Variants in SMARCAD1 observed in about 807,000 individuals in gnomAD.
SMARCAD1 encodes the protein SWI/SNF-related matrix-associated actin-dependent regulator of chromatin subfamily A containing DEAD/H box 1.
A neutral mutation model predicts 127.1 loss-of-function variants in SMARCAD1; 25 were observed. The observed-to-expected ratio is 0.20, with a 90% CI of 0.14 to 0.27. The LOEUF is 0.27. Ranked by LOEUF, SMARCAD1 falls within the 10% of genes least tolerant of loss-of-function variation. The pLI, the probability that SMARCAD1 is intolerant of heterozygous loss-of-function variation, is 1.00. For missense variants in SMARCAD1, 807 were observed against 1,206.0 expected, an observed-to-expected ratio of 0.67 and a Z score of 4.90; for synonymous variants, 400 against 396.9, an observed-to-expected ratio of 1.01 and a Z score of -0.09.
At chr4:94,227,144 A>C (rs76550757) in intron 3 of SMARCAD1, among the ~76,000 whole-genome samples, 1 of 152,124 alleles carries the variant, frequency 6.6e-6, no homozygotes, top group Non-Finnish European at 1.5e-5. Flanking sequence ...GGGAAAGAGT[A>C]TTCCAGGCAT....
intron 16 of SMARCAD1, 45 bp from the exon 17 acceptor site, chr4:94,278,377 T>A (rs765241263): frequency 6.7e-7 from 1 of 1,486,228 alleles, no homozygotes; most frequent in Non-Finnish European, 9.4e-7. Flanking sequence ...ATTGCAATAA[T>A]TTAAGTGAAT....
chr4:94,237,147 A>C, intron 5 of SMARCAD1, 129 bp downstream of exon 5: 2 of 801,418 alleles, frequency 2.5e-6, no homozygotes, highest in Non-Finnish European at 4.2e-6. Flanking sequence ...GTGAGGTATT[A>C]ATAGTTTCAC....
rs1442707688 is a variant in SMARCAD1, at chr4:94,281,458, A to C, written c.2608-14A>C. ...GATTTTTTCTATTTCTAATTCATGT[A>C]TGTATTTTCACAGGGTGATAGAGTT... On this transcript the variant is annotated splice_polypyrimidine_tract_variant and intron_variant, in intron 20 of 23. Transcript: ENST00000354268. 3.9e-6 allele frequency: 6 copies of C among 1,522,998 alleles called. No homozygotes were observed. The highest frequency in any genetic ancestry group is 3.6e-6 in the Non-Finnish European group (4 of 1,097,468). The allele number at this position is 1,522,998 out of a possible 1,614,324, so 94.3% of individuals were successfully genotyped here. A position where few individuals can be genotyped will look rare whatever the true frequency, so the allele number is the denominator to read the frequency against.
intron 2 of SMARCAD1, among the ~76,000 whole-genome samples, chr4:94,224,081 ACTG>A (rs1264173254): frequency 6.6e-6 from 1 of 152,162 alleles, no homozygotes; most frequent in Non-Finnish European, 1.5e-5. Context: ...AGGAGTTTGG[ACTG>A]TTTTATTACT....
intron 23 of SMARCAD1, among the ~76,000 whole-genome samples, chr4:94,288,660 G>A (rs1170198537): frequency 6.6e-6 from 1 of 152,108 alleles, no homozygotes; most frequent in Non-Finnish European, 1.5e-5. Context: ...TGAGAGAGGG[G>A]AGGAGGAGAG....
At chr4:94,263,766 C>A (rs1489578295) in intron 9 of SMARCAD1, among the ~76,000 whole-genome samples, 6 of 151,754 alleles carry the variant, frequency 4.0e-5, no homozygotes, top group Non-Finnish European at 7.4e-5. Flanking sequence ...GTGGTATTTT[C>A]CTAATAGATG....
intron 9 of SMARCAD1, among the ~76,000 whole-genome samples, chr4:94,263,623 T>G (rs927454358): frequency 2.0e-5 from 3 of 152,074 alleles, no homozygotes; most frequent in African/African-American, 7.2e-5. Context: ...CAAAAAGCAC[T>G]TAATTACTAT....
intron 2 of SMARCAD1, among the ~76,000 whole-genome samples, chr4:94,221,751 G>A (rs546841368): frequency 6.6e-6 from 1 of 152,126 alleles, no homozygotes; most frequent in African/African-American, 2.4e-5. Context: ...GGCTCTTTTG[G>A]CTGAATCTAG....
At chr4:94,283,075 T>G in intron 21 of SMARCAD1, 46 bp from the exon 22 acceptor site, 1 of 1,499,586 alleles carries the variant, frequency 6.7e-7, no homozygotes, top group Non-Finnish European at 9.2e-7. Flanking sequence ...TTAATTACAT[T>G]ATACAACTTT....
At position 94,252,913 on chromosome 4, in the gene SMARCAD1, C is replaced by G. The variant is rs1408089946; in HGVS notation, c.1187C>G (p.Ala396Gly). 1 of 1,614,102 alleles carries G rather than the reference C, an allele frequency of 6.2e-7. No homozygotes were observed. The highest frequency in any genetic ancestry group is 2.2e-5 in the East Asian group (1 of 44,860). ...KGKILHFLQD[A>G]SIGELTLIPQ... is the part of the protein sequence containing the mutation. ...AAAATTCTTCACTTCCTTCAAGATGCTTCAATTGGTGAACTTACTTTGATT... is the reference window on the plus strand; with the variant it reads ...AAAATTCTTCACTTCCTTCAAGATGGTTCAATTGGTGAACTTACTTTGATT... The change falls in exon 9 of 24, where the codon GCT (alanine) becomes GGT (glycine). Residue 396 changes from alanine to glycine, a missense_variant. This residue lies in a region of SMARCAD1 where 257 missense variants were observed against 303.4 expected (regional missense o/e 0.85). Transcript: ENST00000354268.
chr4:94,254,594 A>G (rs775089592), intron 9 of SMARCAD1, among the ~76,000 whole-genome samples: 2 of 152,132 alleles, frequency 1.3e-5, no homozygotes, highest in Non-Finnish European at 2.9e-5. Flanking sequence ...ATGAATTTGG[A>G]GATTATGCAT....
rs145269244 is a variant in SMARCAD1 at position 94,245,863 on chromosome 4, A to T, written c.706-3791A>T. The stretch of plus-strand genomic sequence containing the variant: ...TTTTGCATAATGCAGTAATTTTTGG[A>T]AATATATGTGTCACAGCAAAACTGA... On this transcript the variant is annotated intron_variant, in intron 6 of 23. Transcript: ENST00000354268. Among the ~76,000 whole-genome samples the T allele has an allele frequency of 6.6e-4, 101 of 152,270 alleles. No homozygotes were observed. The East Asian group carries it at 0.019, about 28-fold the overall frequency.
intron 7 of SMARCAD1, 113 bp downstream of exon 7, chr4:94,249,868 TTAAA>T: frequency 1.5e-6 from 1 of 683,138 alleles, no homozygotes; most frequent in Non-Finnish European, 2.7e-6. Flanking sequence ...ATTCTTCTAA[TTAAA>T]TGTTCTCCTT....
rs1161532307 is a variant in SMARCAD1, at chr4:94,226,169, T to C, written c.241T>C (p.Ser81Pro). Residue 81 changes from serine to proline, a missense_variant, in exon 3 of 24, where the codon TCA becomes CCA. Physicochemically the swap from Ser to Pro is moderately conservative, Grantham distance 74 (BLOSUM62 -1). Coordinates refer to ENST00000354268, the MANE Select transcript of SMARCAD1 (RefSeq NM_020159.5). ...TPDNERKASI[S>P]YFKNQRGIQY... ...AGATAATGAAAGAAAAGCAAGTATA[T>C]CATATTTCAAAAATCAAAGAGGAAT... 6.2e-7 allele frequency: 1 copy of C among 1,611,960 alleles called. No individual in the cohort carries two copies. Among genetic ancestry groups the C allele is most frequent in the African/African-American group, 1.3e-5 (1 of 74,872 alleles).
At chr4:94,247,897 G>A (rs1010914049) in intron 6 of SMARCAD1, among the ~76,000 whole-genome samples, 4 of 152,036 alleles carry the variant, frequency 2.6e-5, no homozygotes, top group African/African-American at 7.2e-5. Context: ...TGTTACAAAC[G>A]TATATTGCGT....
rs570667201 is a variant in SMARCAD1 at position 94,268,827 on chromosome 4, G to A, written c.1482-1901G>A. Among the ~76,000 whole-genome samples, 11 of 152,236 alleles carry A rather than the reference G, an allele frequency of 7.2e-5. No homozygotes were observed. The South Asian group carries it at 2.3e-3, about 32-fold the overall frequency. ...TAATGTATATTAAGCCCATAGCATA[G>A]TCTGAAATATGGTAAATATTCCAGT... On this transcript the variant is annotated intron_variant, in intron 10 of 23. Transcript: ENST00000354268.
chr4:94,242,534 A>G (rs921493380), intron 6 of SMARCAD1, among the ~76,000 whole-genome samples: 14 of 151,828 alleles, frequency 9.2e-5, no homozygotes, highest in African/African-American at 3.4e-4. Flanking sequence ...ACACAGGGCT[A>G]CTCTCTGAGT....
At chr4:94,256,456 G>A (rs748895835) in intron 9 of SMARCAD1, among the ~76,000 whole-genome samples, 13 of 151,976 alleles carry the variant, frequency 8.6e-5, no homozygotes, top group Non-Finnish European at 1.2e-4. Flanking sequence ...TCCACCTCCC[G>A]GGTTCAAGCG....
intron 5 of SMARCAD1, 69 bp from the exon 6 acceptor site, chr4:94,240,837 T>G: frequency 8.3e-7 from 1 of 1,198,990 alleles, no homozygotes; most frequent in Non-Finnish European, 1.2e-6. Flanking sequence ...ATTTTTGCCT[T>G]TGTTTTACAT....
Sources: gnomAD v4.1 joint callset for allele counts (sites outside exome capture counted in the v4.1 genomes callset) on GRCh38, gnomAD v4.1.1 for gene constraint, gnomAD v4.1.1 regional missense constraint, MANE v1.5 for transcripts, NCBI Gene and HGNC (gene_info 2026-07-23, HGNC 2026-07-21) for gene names.